The following USP47 variants were observed in gnomAD, a reference collection of about 807,000 sequenced individuals.
USP47 encodes ubiquitin carboxyl-terminal hydrolase 47.
In USP47, 35 loss-of-function variants were observed where a neutral mutation model predicts 165.1. The ratio of observed to expected loss-of-function variants is 0.21; its 90% CI spans 0.16 to 0.28. The LOEUF is 0.28. Among genes scored for constraint, USP47 ranks in the 10% least tolerant of loss-of-function variants. The pLI is 1.00. For missense variants in USP47, 1,277 were observed against 1,607.4 expected (o/e 0.79, Z 3.52); for synonymous variants, 531 against 544.5 (o/e 0.98, Z 0.35).
intron 8 of USP47, among the ~76,000 whole-genome samples, chr11:11,913,367 C>T (rs1853160877): frequency 6.8e-6 from 1 of 148,032 alleles, no homozygotes; most frequent in Non-Finnish European, 1.5e-5. Context: ...TAACAATGAA[C>T]ATGTAGAAAG....
chr11:11,946,330 C>T (rs987392159), intron 20 of USP47, among the ~76,000 whole-genome samples: 17 of 152,152 alleles, frequency 1.1e-4, no homozygotes, highest in African/African-American at 3.6e-4. Context: ...AATTCCAGAA[C>T]CAGTTGGTCA....
chr11:11,875,957 G>T (rs1301793630), intron 1 of USP47, among the ~76,000 whole-genome samples: 1 of 152,102 alleles, frequency 6.6e-6, no homozygotes, highest in African/African-American at 2.4e-5. Context: ...AGGAAATCTA[G>T]CTTTGTTTCT....
At chr11:11,850,877 C>T (rs1319799741) in intron 1 of USP47, among the ~76,000 whole-genome samples, 3 of 152,182 alleles carry the variant, frequency 2.0e-5, no homozygotes, top group Non-Finnish European at 4.4e-5. Context: ...AGAGCAGCAC[C>T]GTCTCGCTGT....
At chr11:11,951,805 G>A (rs1406663990) in intron 24 of USP47, 1 of 152,152 alleles carries the variant, frequency 6.6e-6, no homozygotes, top group Non-Finnish European at 1.5e-5. Context: ...ACTATGGTGT[G>A]TAGGCAAGTG....
chr11:11,891,927 C>T, intron 3 of USP47, 41 bp from the exon 4 acceptor site: 1 of 1,588,862 alleles, frequency 6.3e-7, no homozygotes, highest in Non-Finnish European at 8.6e-7. Context: ...GTTTCAGCAA[C>T]ATTTGCTATT....
At position 11,957,190 on chromosome 11, in the gene USP47, G is replaced by T. The variant is rs1172948246; in HGVS notation, c.*1015G>T. The T allele has an allele frequency of 6.6e-6, 1 of 152,152 alleles. No homozygotes were observed. Among genetic ancestry groups the T allele is most frequent in the Non-Finnish European group, 1.5e-5 (1 of 68,032 alleles). 9.4% of individuals were successfully genotyped at this position (152,152 alleles called of 1,614,324 possible). ...CAAGTTTGAATCTTCTAGAATGCTT[G>T]TAAGTCCAGTTTTAATTTTTAGAGT... is the stretch of plus-strand genomic sequence containing the variant. On this transcript the variant is annotated 3_prime_UTR_variant, in exon 28 of 28. Coordinates refer to ENST00000527733, the MANE Select transcript of USP47 (RefSeq NM_001282659.2).
intron 1 of USP47, among the ~76,000 whole-genome samples, chr11:11,861,854 A>G (rs865973748): frequency 2.0e-5 from 3 of 152,212 alleles, no homozygotes; most frequent in African/African-American, 7.2e-5. Context: ...ATATAGTGAC[A>G]TGTAATTTAT....
At chr11:11,873,492 G>T (rs1322571380) in intron 1 of USP47, among the ~76,000 whole-genome samples, 2 of 152,028 alleles carry the variant, frequency 1.3e-5, no homozygotes, top group Non-Finnish European at 2.9e-5. Flanking sequence ...GCAGAGAACT[G>T]CAGAATTTCT....
At chr11:11,955,947 A>C in intron 27 of USP47, 54 bp from the exon 28 acceptor site, 1 of 1,371,440 alleles carries the variant, frequency 7.3e-7, no homozygotes, top group Non-Finnish European at 9.9e-7. Context: ...AGCATACATT[A>C]ATAGAGGTGG....
At chr11:11,902,391 C>A (rs578037999) in intron 5 of USP47, among the ~76,000 whole-genome samples, 4 of 152,058 alleles carry the variant, frequency 2.6e-5, no homozygotes, top group Non-Finnish European at 4.4e-5. Flanking sequence ...CTTCTGTTTC[C>A]TGTATTTTTG....
chr11:11,916,830 C>A (rs947317851), intron 8 of USP47, among the ~76,000 whole-genome samples: 3 of 151,820 alleles, frequency 2.0e-5, no homozygotes, highest in Non-Finnish European at 4.4e-5. Flanking sequence ...ATGATAAACT[C>A]TGAGATGTAT....
At chr11:11,933,367 A>G (rs921325170) in intron 15 of USP47, among the ~76,000 whole-genome samples, 1 of 152,142 alleles carries the variant, frequency 6.6e-6, no homozygotes, top group African/African-American at 2.4e-5. Context: ...TTATCCTACT[A>G]AAAGAAAATA....
chr11:11,936,229 T>C (rs1855054729), intron 16 of USP47, 74 bp from the exon 17 acceptor site: 1 of 773,650 alleles, frequency 1.3e-6, no homozygotes, highest in Non-Finnish European at 1.7e-6. Context: ...TAAAACACTG[T>C]GTATTTATAT....
rs574518727 is a variant in USP47, at chr11:11,842,153, C to T, written c.-33C>T. 67 of 1,550,940 alleles carry T rather than the reference C, an allele frequency of 4.3e-5. No homozygotes were observed. Among genetic ancestry groups the T allele is most frequent in the Non-Finnish European group, 5.4e-5 (62 of 1,146,418 alleles). On this transcript the variant is annotated 5_prime_UTR_variant, in exon 1 of 28. Transcript: ENST00000527733. ...GCCGCCGCCACCCTCCACCCTCCCC[C>T]GGCAGGGCGGAGAGGAGCGGCCGGA...
At chr11:11,938,207 A>G (rs1471991858) in intron 17 of USP47, 50 bp from the exon 18 acceptor site, 1 of 1,507,858 alleles carries the variant, frequency 6.6e-7, no homozygotes, top group East Asian at 2.3e-5. Context: ...CATGTGAAAT[A>G]CATTAAAAAA....
chr11:11,917,728 C>G (rs926046584), intron 8 of USP47, among the ~76,000 whole-genome samples: 1 of 152,036 alleles, frequency 6.6e-6, no homozygotes. Context: ...AATTACAAAC[C>G]TTGCTAAATA....
chr11:11,873,943 A>G (rs1433483785), intron 1 of USP47: 2 of 772,722 alleles, frequency 2.6e-6, no homozygotes, highest in South Asian at 3.1e-5. Flanking sequence ...ATATCAAGGC[A>G]TGTCTTAAGT....
chr11:11,945,631 C>T (rs910149854), intron 20 of USP47, among the ~76,000 whole-genome samples: 2 of 150,188 alleles, frequency 1.3e-5, no homozygotes, highest in South Asian at 2.1e-4. Context: ...TTTTGGTTAC[C>T]GCTTCACTTA....
intron 20 of USP47, among the ~76,000 whole-genome samples, chr11:11,945,615 G>T (rs11822505): frequency 1.3e-5 from 2 of 151,080 alleles, no homozygotes; most frequent in African/African-American, 4.9e-5. Context: ...AAATTTCTCC[G>T]TACAATTTTG....
Sources: gnomAD v4.1 joint callset for allele counts (sites outside exome capture counted in the v4.1 genomes callset) on GRCh38, gnomAD v4.1.1 for gene constraint, MANE v1.5 for transcripts, NCBI Gene and HGNC (gene_info 2026-07-23, HGNC 2026-07-21) for gene names.